RANBP2: variants seen among roughly 807,000 people sequenced by gnomAD.
RANBP2 encodes RAN binding protein 2.
Under a neutral mutation model 303.6 loss-of-function variants are expected in RANBP2, and 57 were observed. The observed-to-expected ratio is 0.19, with a 90% CI of 0.15 to 0.23. The LOEUF (loss-of-function observed/expected upper bound fraction) is 0.23. Among genes scored for constraint, RANBP2 ranks in the 10% least tolerant of loss-of-function variants. The probability of loss-of-function intolerance (pLI) is 1.00; values close to 1 mark genes in which losing one functional copy is unlikely to be tolerated. For synonymous variants in RANBP2, 1,167 were observed against 1,301.5 expected, an observed-to-expected ratio of 0.90 and a Z score of 2.23; for missense variants, 3,138 against 3,780.8, an observed-to-expected ratio of 0.83 and a Z score of 4.46.
At chr2:108,918,488 G>C in the RANBP2 span, among the ~76,000 whole-genome samples, 1 of 152,180 alleles carries the variant, frequency 6.6e-6, no homozygotes, top group East Asian at 1.9e-4. Context: ...CCTGAGTTTC[G>C]AATAAGCAAG....
the RANBP2 span, among the ~76,000 whole-genome samples, chr2:109,305,387 G>A: frequency 6.6e-6 from 1 of 152,004 alleles, no homozygotes; most frequent in Non-Finnish European, 1.5e-5. Flanking sequence ...CAGGTGTCTC[G>A]GGGCAATCAA....
the RANBP2 span, among the ~76,000 whole-genome samples, chr2:109,498,788 T>G: frequency 6.6e-6 from 1 of 151,778 alleles, no homozygotes; most frequent in African/African-American, 2.4e-5. Context: ...GCAGGATGGG[T>G]TGGGTAAACA....
the RANBP2 span, among the ~76,000 whole-genome samples, chr2:108,832,544 T>TC: frequency 6.6e-6 from 1 of 152,020 alleles, no homozygotes; most frequent in Non-Finnish European, 1.5e-5. Context: ...ACGGGGTTTC[T>TC]CCTTGTTGGT....
the RANBP2 span, among the ~76,000 whole-genome samples, chr2:109,363,579 T>A: frequency 6.6e-6 from 1 of 152,342 alleles, no homozygotes; most frequent in African/African-American, 2.4e-5. Flanking sequence ...TCTGTAGATC[T>A]GAATTTCTGA....
chr2:108,724,825 C>G (rs1694564276), intron 1 of RANBP2, among the ~76,000 whole-genome samples: 1 of 151,348 alleles, frequency 6.6e-6, no homozygotes, highest in Non-Finnish European at 1.5e-5. Flanking sequence ...CGGCCTTCAC[C>G]CTTGTTGGGA....
the RANBP2 span, among the ~76,000 whole-genome samples, chr2:108,845,958 A>AT: frequency 3.5e-3 from 523 of 150,912 alleles, 2 homozygotes; most frequent in African/African-American, 0.012. Flanking sequence ...TATTTTGCCC[A>AT]TTTTTTTTTG....
the RANBP2 span, among the ~76,000 whole-genome samples, chr2:109,474,723 C>G: frequency 6.6e-6 from 1 of 152,212 alleles, no homozygotes; most frequent in Non-Finnish European, 1.5e-5. Flanking sequence ...ACCACCATCA[C>G]AGGAAACAGT....
chr2:109,350,511 T>G, the RANBP2 span, among the ~76,000 whole-genome samples: 600 of 152,320 alleles, frequency 3.9e-3, 2 homozygotes, highest in Admixed American at 6.9e-3. Flanking sequence ...ACTTTGACCC[T>G]CTGACCCCCA....
At chr2:109,078,940 GAGATC>G in the RANBP2 span, among the ~76,000 whole-genome samples, 3 of 151,978 alleles carry the variant, frequency 2.0e-5, no homozygotes, top group Admixed American at 2.0e-4. Context: ...GCAGTGAGCC[GAGATC>G]GCACAATTGC....
chr2:109,258,339 C>T, the RANBP2 span, among the ~76,000 whole-genome samples: 12 of 152,266 alleles, frequency 7.9e-5, no homozygotes, highest in Non-Finnish European at 1.0e-4. Flanking sequence ...TTCTAAAGAG[C>T]GAGAAACTGC....
At chr2:109,490,518 C>A in the RANBP2 span, 2 of 1,097,360 alleles carry the variant, frequency 1.8e-6, no homozygotes, top group Non-Finnish European at 2.4e-6. Flanking sequence ...TAAAGTTCCA[C>A]ATAGGAAGAT....
chr2:109,565,688 C>T, the RANBP2 span: 4 of 1,257,652 alleles, frequency 3.2e-6, no homozygotes, highest in Non-Finnish European at 4.7e-6. Flanking sequence ...AAGCATCACC[C>T]CAAAGAAGGC....
chr2:109,157,651 G>A, the RANBP2 span, among the ~76,000 whole-genome samples: 1 of 152,144 alleles, frequency 6.6e-6, no homozygotes, highest in African/African-American at 2.4e-5. Flanking sequence ...ACCTGAAAGG[G>A]ATATAAAGAT....
the RANBP2 span, chr2:109,544,182 T>C: frequency 6.3e-7 from 1 of 1,593,508 alleles, no homozygotes; most frequent in Non-Finnish European, 8.5e-7. Flanking sequence ...TAAATATCAG[T>C]AACTGTGGCT....
chr2:109,463,743 A>G, the RANBP2 span, among the ~76,000 whole-genome samples: 12 of 152,138 alleles, frequency 7.9e-5, no homozygotes, highest in African/African-American at 2.9e-4. Context: ...CTGGCTGCAA[A>G]TGTTTGTTTT....
chr2:109,019,926 C>T, the RANBP2 span, among the ~76,000 whole-genome samples: 1 of 152,122 alleles, frequency 6.6e-6, no homozygotes, highest in Non-Finnish European at 1.5e-5. Context: ...TCAGCACAGC[C>T]AGTGTCTGCA....
At chr2:109,641,395 T>C in the RANBP2 span, among the ~76,000 whole-genome samples, 1 of 152,152 alleles carries the variant, frequency 6.6e-6, no homozygotes, top group Non-Finnish European at 1.5e-5. Context: ...ATACACACAA[T>C]GGAATGTTAT....
At chr2:109,384,696 C>T in the RANBP2 span, among the ~76,000 whole-genome samples, 19 of 152,186 alleles carry the variant, frequency 1.2e-4, no homozygotes, top group African/African-American at 3.9e-4. Flanking sequence ...AGCCCACCCC[C>T]GCTTTGCTGA....
Position 108,784,850 on chromosome 2 carries a change from G to A in RANBP2, c.*949G>A, listed in dbSNP as rs986665724. The A allele has an allele frequency of 1.3e-5, 2 of 151,728 alleles. No individual in the cohort carries two copies. The highest frequency in any genetic ancestry group is 4.9e-5 in the African/African-American group (2 of 40,932). 9.4% of individuals were successfully genotyped at this position (151,728 alleles called of 1,614,324 possible). A position where few individuals can be genotyped will look rare whatever the true frequency, so the allele number is the denominator to read the frequency against. On this transcript the variant is annotated 3_prime_UTR_variant, in exon 29 of 29. Coordinates refer to ENST00000283195, the MANE Select transcript of RANBP2 (RefSeq NM_006267.5). ...TTCGGGTTCATTCTAAAGTAAGGAA[G>A]ACAATTTAAAGGCAGTAAATTCAAA...
Sources: allele counts gnomAD v4.1 joint callset (sites outside exome capture counted in the v4.1 genomes callset), GRCh38; gene constraint gnomAD v4.1.1; transcripts MANE v1.5; gene names NCBI Gene and HGNC (gene_info 2026-07-23, HGNC 2026-07-21).